The following LMLN variants were observed in gnomAD, a reference collection of about 807,000 sequenced individuals.
LMLN encodes the protein leishmanolysin-like peptidase.
A neutral mutation model predicts 92.3 loss-of-function variants in LMLN; 70 were observed. The observed-to-expected ratio is 0.76, with a 90% CI of 0.63 to 0.92. The LOEUF (loss-of-function observed/expected upper bound fraction) is 0.92. LMLN is among the 40% of genes least tolerant of loss of function. The pLI, the probability that LMLN is intolerant of heterozygous loss-of-function variation, is 0.00. For missense variants in LMLN, 691 were observed against 814.6 expected (o/e 0.85, Z 1.85); for synonymous variants, 308 against 296.2 (o/e 1.04, Z -0.41).
chr3:197,984,688 ATCCTCC>A (rs2109872406), intron 7 of LMLN, among the ~76,000 whole-genome samples: 1 of 151,466 alleles, frequency 6.6e-6, no homozygotes, highest in African/African-American at 2.4e-5. Flanking sequence ...GGCTCAAGTG[ATCCTCC>A]TGTCTCAGAC....
intron 8 of LMLN, among the ~76,000 whole-genome samples, chr3:197,988,795 C>T (rs1280690338): frequency 1.3e-5 from 2 of 152,296 alleles, no homozygotes; most frequent in South Asian, 4.1e-4. Flanking sequence ...GATTCTCCTG[C>T]CTCAGCCTCC....
chr3:197,974,372 T>C lies in LMLN; in HGVS notation c.220-5T>C. 6.6e-7 allele frequency: 1 copy of C among 1,523,540 alleles called. No homozygotes were observed. Among genetic ancestry groups the C allele is most frequent in the Non-Finnish European group, 9.0e-7 (1 of 1,107,780 alleles). 94.4% of individuals were successfully genotyped at this position (1,523,540 alleles called of 1,614,324 possible). ...AACAGTTTTCAAATCCGTTCCTTTTTTCAGGTCATAAATAAAGTTCATCTT... is the reference window on the plus strand; with the variant it reads ...AACAGTTTTCAAATCCGTTCCTTTTCTCAGGTCATAAATAAAGTTCATCTT... On this transcript the variant is annotated splice_region_variant and splice_polypyrimidine_tract_variant and intron_variant, in intron 1 of 15. Coordinates refer to ENST00000330198, the Ensembl canonical transcript of LMLN.
At chr3:197,997,528 G>T (rs1722061109) in intron 10 of LMLN, among the ~76,000 whole-genome samples, 1 of 152,224 alleles carries the variant, frequency 6.6e-6, no homozygotes, top group Non-Finnish European at 1.5e-5. Flanking sequence ...CAGGGGTAAA[G>T]TGTACATAGA....
At chr3:198,011,975 A>T (rs1001148878) in intron 11 of LMLN, among the ~76,000 whole-genome samples, 1 of 152,232 alleles carries the variant, frequency 6.6e-6, no homozygotes, top group African/African-American at 2.4e-5. Flanking sequence ...CAATCTACTC[A>T]TCTGACAAAG....
At chr3:198,003,490 AAG>A (rs1475259055) in intron 11 of LMLN, among the ~76,000 whole-genome samples, 1 of 152,194 alleles carries the variant, frequency 6.6e-6, no homozygotes, top group Non-Finnish European at 1.5e-5. Flanking sequence ...TATCAAAAAA[AAG>A]GCACTTTTGA....
Position 198,014,002 on chromosome 3 carries a change from A to G in LMLN, c.1233-5251A>G, listed in dbSNP as rs574009935. Among the ~76,000 whole-genome samples the G allele has an allele frequency of 2.9e-4, 41 of 139,838 alleles. No individual in the cohort carries two copies. In the East Asian group the frequency reaches 6.5e-3, roughly 22 times the overall value. The allele number at this position is 139,838 out of a possible 152,430, so 91.7% of individuals were successfully genotyped here. ...CTCCACCCTTTAGAGCCCCCTAACTAGTCTGACTTCTCTCCACCCTTTAGA... is the reference window on the plus strand; with the variant it reads ...CTCCACCCTTTAGAGCCCCCTAACTGGTCTGACTTCTCTCCACCCTTTAGA... On this transcript the variant is annotated intron_variant, in intron 11 of 15. Transcript: ENST00000330198.
At chr3:198,020,768 ATTTTTTTTTTTTTTTTTTTT>A (rs71166715) in intron 12 of LMLN, among the ~76,000 whole-genome samples, 1 of 32,860 alleles carries the variant, frequency 3.0e-5, no homozygotes, top group East Asian at 1.1e-3. Flanking sequence ...TAATTTTTGT[ATTTTTTTTTTTTTTTTTTTT>A]TTTTTTTTTT....
chr3:197,966,303 A>G (rs1175579931), intron 1 of LMLN, among the ~76,000 whole-genome samples: 1 of 152,012 alleles, frequency 6.6e-6, no homozygotes, highest in South Asian at 2.1e-4. Flanking sequence ...CAGCCTCCCA[A>G]AGTGTTGGGA....
At chr3:197,981,469 A>G (rs1721556100) in intron 6 of LMLN, among the ~76,000 whole-genome samples, 1 of 152,216 alleles carries the variant, frequency 6.6e-6, no homozygotes, top group Non-Finnish European at 1.5e-5. Context: ...TAATTTTAGG[A>G]CTTCTGTGCT....
At chr3:197,997,106 CTTTTCT>C (rs147164276) in intron 10 of LMLN, among the ~76,000 whole-genome samples, 28,468 of 131,720 alleles carry the variant, frequency 0.22, 4,208 homozygotes, top group African/African-American at 0.45. Context: ...TTTCCTTTTA[CTTTTCT>C]TTTTCTTTTT....
intron 14 of LMLN, among the ~76,000 whole-genome samples, chr3:198,030,944 A>G (rs1723062876): frequency 7.0e-6 from 1 of 142,960 alleles, no homozygotes; most frequent in Non-Finnish European, 1.5e-5. Flanking sequence ...ACAGCGTGGG[A>G]AGGCGGGACC....
chr3:197,974,616 G>C (rs891847440), intron 2 of LMLN, 142 bp downstream of exon 2: 15 of 547,508 alleles, frequency 2.7e-5, no homozygotes, highest in African/African-American at 2.2e-4. Flanking sequence ...AGCTGAAAAT[G>C]CATTTTAGTC....
chr3:198,007,128 A>G (rs1722316245), intron 11 of LMLN, among the ~76,000 whole-genome samples: 1 of 152,178 alleles, frequency 6.6e-6, no homozygotes, highest in African/African-American at 2.4e-5. Flanking sequence ...TTCTCCCAGT[A>G]CATAGCTTGT....
At chr3:198,018,819 T>C (rs531310290) in intron 11 of LMLN, among the ~76,000 whole-genome samples, 5 of 152,326 alleles carry the variant, frequency 3.3e-5, no homozygotes, top group African/African-American at 1.2e-4. Context: ...CAACTGTCAG[T>C]TTGATGACTG....
chr3:197,992,652 C>A (rs1184552524), intron 9 of LMLN, among the ~76,000 whole-genome samples: 4 of 152,088 alleles, frequency 2.6e-5, no homozygotes, highest in African/African-American at 9.7e-5. Context: ...TAAAAGTCTG[C>A]CATCAAAGAG....
intron 9 of LMLN, among the ~76,000 whole-genome samples, chr3:197,992,534 TAGA>T (rs1258465693): frequency 2.6e-5 from 4 of 152,104 alleles, no homozygotes; most frequent in African/African-American, 9.7e-5. Flanking sequence ...CTGGATAACC[TAGA>T]AGAAATGAAC....
intron 11 of LMLN, chr3:197,999,655 G>A (rs1444880341): frequency 1.6e-5 from 4 of 248,184 alleles, no homozygotes; most frequent in Middle Eastern, 1.4e-3. Context: ...AGCTTCCTGC[G>A]TGGCTGGGAC....
rs1215344100 is a variant in LMLN, at chr3:197,999,212, A to G, written c.1156-54A>G. 2.6e-5 allele frequency: 32 copies of G among 1,245,816 alleles called. No homozygotes were observed. In the Admixed American group the frequency reaches 5.4e-4, roughly 21 times the overall value. 77.2% of individuals were successfully genotyped at this position (1,245,816 alleles called of 1,614,324 possible). ...ATGTATATCAGAGGAATTGCAGAAAATATTAGGAGTTGCAGAGAATCTAGT... is the reference window on the plus strand; with the variant it reads ...ATGTATATCAGAGGAATTGCAGAAAGTATTAGGAGTTGCAGAGAATCTAGT... On this transcript the variant is annotated intron_variant, in intron 10 of 15. Coordinates refer to ENST00000330198, the Ensembl canonical transcript of LMLN.
At chr3:197,966,780 ATTTTACATCTATGTAT>A (rs1721072479) in intron 1 of LMLN, among the ~76,000 whole-genome samples, 1 of 151,810 alleles carries the variant, frequency 6.6e-6, no homozygotes, top group Non-Finnish European at 1.5e-5. Context: ...TTTGTTGATG[ATTTTACATCTATGTAT>A]TTTTATTTTT....
Sources: allele counts gnomAD v4.1 joint callset (sites outside exome capture counted in the v4.1 genomes callset), GRCh38; gene constraint gnomAD v4.1.1; transcripts MANE v1.5; gene names NCBI Gene and HGNC (gene_info 2026-07-23, HGNC 2026-07-21).